The following FRMPD4 variants were observed in gnomAD, a reference collection of about 807,000 sequenced individuals.
FRMPD4 encodes FERM and PDZ domain containing 4, also known as FERM and PDZ domain-containing protein 4.
Under a neutral mutation model 94.1 loss-of-function variants are expected in FRMPD4, and 22 were observed. The ratio of observed to expected loss-of-function variants is 0.23; its 90% CI spans 0.17 to 0.33. The LOEUF is 0.33. FRMPD4 is among the 10% of genes least tolerant of loss of function. The pLI, the probability that FRMPD4 is intolerant of heterozygous loss-of-function variation, is 1.00. For synonymous variants in FRMPD4, 631 were observed against 548.6 expected, an observed-to-expected ratio of 1.15 and a Z score of -2.10; for missense variants, 1,111 against 1,339.9, an observed-to-expected ratio of 0.83 and a Z score of 2.67.
intron 1 of FRMPD4, among the ~76,000 whole-genome samples, chrX:12,183,114 C>CT (rs1053208695): frequency 7.2e-5 from 8 of 110,640 alleles, no homozygotes; most frequent in African/African-American, 2.6e-4. Context: ...TTGTTGCTAT[C>CT]TATCTATCTA....
At chrX:12,582,437 C>T (rs754438638) in intron 2 of FRMPD4, among the ~76,000 whole-genome samples, 2 of 111,908 alleles carry the variant, frequency 1.8e-5, no homozygotes, top group South Asian at 3.7e-4. Context: ...CATGATATCG[C>T]CCTTGTCTCA....
At chrX:12,137,621 A>T (rs754880489), upstream of FRMPD4, among the ~76,000 whole-genome samples, 4 of 111,710 alleles carry the variant, frequency 3.6e-5, no homozygotes, top group African/African-American at 9.8e-5. Context: ...CAAGAGGAAG[A>T]AGAAAAAGGG....
At chrX:12,070,409 G>T (rs1039543842) in intron 3 of FRMPD4, among the ~76,000 whole-genome samples, 1 of 111,845 alleles carries the variant, frequency 8.9e-6, no homozygotes, top group African/African-American at 3.3e-5. Context: ...GGAACAAGAC[G>T]ACAGAATATT....
At chrX:12,385,025 G>A (rs1016386994) in intron 1 of FRMPD4, among the ~76,000 whole-genome samples, 3 of 112,269 alleles carry the variant, frequency 2.7e-5, no homozygotes, top group South Asian at 3.7e-4. Flanking sequence ...GGCAGACTTC[G>A]GATGGCTGAT....
intron 1 of FRMPD4, among the ~76,000 whole-genome samples, chrX:12,381,650 G>C (rs1227135166): frequency 7.2e-5 from 8 of 111,656 alleles, no homozygotes; most frequent in Non-Finnish European, 1.1e-4. Flanking sequence ...ATGGCAAGCG[G>C]GACTTTCCAG....
intron 1 of FRMPD4, among the ~76,000 whole-genome samples, chrX:12,278,716 C>T (rs999020656): frequency 9.0e-6 from 1 of 111,267 alleles, no homozygotes; most frequent in Non-Finnish European, 1.9e-5. Context: ...TTTGGTTCTG[C>T]TTTCCCACAG....
chrX:12,048,582 G>A (rs2054799093), intron 3 of FRMPD4, among the ~76,000 whole-genome samples: 1 of 111,656 alleles, frequency 9.0e-6, no homozygotes, highest in Non-Finnish European at 1.9e-5. Context: ...CCAGAAAGGT[G>A]TTTCCAAGTT....
At chrX:12,079,576 G>C (rs774773279) in intron 3 of FRMPD4, among the ~76,000 whole-genome samples, 16 of 111,654 alleles carry the variant, frequency 1.4e-4, no homozygotes, top group Admixed American at 1.9e-4. Context: ...ACACATGTTT[G>C]GCAATCTATT....
At chrX:12,673,072 T>A (rs958904563) in intron 4 of FRMPD4, among the ~76,000 whole-genome samples, 2 of 111,319 alleles carry the variant, frequency 1.8e-5, no homozygotes, top group African/African-American at 6.6e-5. Context: ...GTTCTGATTC[T>A]GGAGAAAGGA....
At chrX:12,095,646 C>A (rs1026567666) in intron 3 of FRMPD4, among the ~76,000 whole-genome samples, 129 of 111,347 alleles carry the variant, frequency 1.2e-3, no homozygotes, top group African/African-American at 3.8e-3. Context: ...AGTTTGGATA[C>A]TTTTTGCATT....
At chrX:12,585,458 A>T (rs1015405299) in intron 2 of FRMPD4, among the ~76,000 whole-genome samples, 1 of 111,224 alleles carries the variant, frequency 9.0e-6, no homozygotes, top group African/African-American at 3.3e-5. Context: ...TGACCTCCTG[A>T]TCCACCTGCC....
intron 3 of FRMPD4, among the ~76,000 whole-genome samples, chrX:12,055,873 A>G (rs962131097): frequency 6.3e-5 from 7 of 111,712 alleles, no homozygotes; most frequent in African/African-American, 2.3e-4. Flanking sequence ...TAGATTAGAA[A>G]TGAGACACTT....
At chrX:11,998,191 C>A (rs951337787) in intron 3 of FRMPD4, among the ~76,000 whole-genome samples, 1 of 111,753 alleles carries the variant, frequency 8.9e-6, no homozygotes, top group African/African-American at 3.3e-5. Context: ...AGGCCGCAAT[C>A]AATGTTACTT....
intron 1 of FRMPD4, among the ~76,000 whole-genome samples, chrX:12,215,596 ATAT>A (rs2056798682): frequency 8.9e-6 from 1 of 112,037 alleles, no homozygotes; most frequent in South Asian, 3.7e-4. Context: ...GAAGTAGATA[ATAT>A]TATTATCCTT....
chrX:12,450,882 A>AAGAG (rs1204578656), intron 1 of FRMPD4, among the ~76,000 whole-genome samples: 1 of 107,121 alleles, frequency 9.3e-6, no homozygotes, highest in East Asian at 2.9e-4. Flanking sequence ...AAAAAAAAAA[A>AAGAG]AGAGAGAGAG....
chrX:12,648,495 G>C (rs1435989348), intron 4 of FRMPD4, among the ~76,000 whole-genome samples: 1 of 111,673 alleles, frequency 9.0e-6, no homozygotes, highest in Non-Finnish European at 1.9e-5. Flanking sequence ...GTATTTCCAA[G>C]ATATCTATCT....
intron 3 of FRMPD4, among the ~76,000 whole-genome samples, chrX:12,047,427 T>A (rs1346328391): frequency 8.9e-6 from 1 of 111,944 alleles, no homozygotes; most frequent in Non-Finnish European, 1.9e-5. Context: ...AATTCTTAGA[T>A]TAATAAACAC....
chrX:12,358,050 A>G (rs1383540145), intron 1 of FRMPD4, among the ~76,000 whole-genome samples: 1 of 112,352 alleles, frequency 8.9e-6, no homozygotes, highest in East Asian at 2.8e-4. Flanking sequence ...CATCCATGCT[A>G]TAACATGTAT....
chrX:11,840,426 G>A (rs2053527669), intron 1 of FRMPD4, among the ~76,000 whole-genome samples: 1 of 110,714 alleles, frequency 9.0e-6, no homozygotes, highest in African/African-American at 3.3e-5. Flanking sequence ...AAACTTGCTA[G>A]GCTGGTATGT....
Sources: allele counts gnomAD v4.1 joint callset (sites outside exome capture counted in the v4.1 genomes callset), GRCh38; gene constraint gnomAD v4.1.1; transcripts MANE v1.5; gene names NCBI Gene and HGNC (gene_info 2026-07-23, HGNC 2026-07-21).